Variants in THOC1 observed in about 807,000 individuals in gnomAD.
THOC1 encodes THO complex 1.
A neutral mutation model predicts 97.3 loss-of-function variants in THOC1; 29 were observed. The ratio of observed to expected loss-of-function variants is 0.30; its 90% confidence interval spans 0.22 to 0.41. The LOEUF is 0.41. THOC1 is among the 10% of genes least tolerant of loss of function. THOC1 has a pLI of 1.00. For synonymous variants in THOC1, 255 were observed against 257.0 expected (o/e 0.99, Z 0.07); for missense variants, 529 against 761.9 (o/e 0.69, Z 3.60).
intron 4 of THOC1, chr18:263,434 T>G (rs556954322): frequency 6.6e-6 from 1 of 152,648 alleles, no homozygotes; most frequent in African/African-American, 2.4e-5. Flanking sequence ...CCTAACCTGC[T>G]TCTTTCCTCA....
chr18:255,924 C>G (rs538768954), intron 7 of THOC1, among the ~76,000 whole-genome samples: 27 of 152,290 alleles, frequency 1.8e-4, no homozygotes, highest in African/African-American at 6.0e-4. Context: ...AAAGACAAAC[C>G]CTGATGACAG....
Position 215,301 on chromosome 18 carries a change from T to C in THOC1, c.1678+128A>G. On this transcript the variant is annotated intron_variant, in intron 20 of 20. Coordinates refer to ENST00000261600, the MANE Select transcript of THOC1 (RefSeq NM_005131.3). ...TTAAGCAATGTTTTAAATTCCTCAC[T>C]ATGTCAGAAACAGTTGAGATAAAAT... is the stretch of plus-strand genomic sequence containing the variant. 1.9e-5 allele frequency: 14 copies of C among 730,126 alleles called. No individual in the cohort carries two copies. The South Asian group carries it at 2.3e-4, about 12-fold the overall frequency. The allele number at this position is 730,126 out of a possible 1,614,324, so 45.2% of individuals were successfully genotyped here.
In THOC1 at chr18:260,321, A is replaced by G; in HGVS notation, c.257-17T>C. ...TACAAATACCTTCAAGTGGAGCACA[A>G]GCCAATTTAAAAGTTTAAAAAACTG... On this transcript the variant is annotated splice_polypyrimidine_tract_variant and intron_variant, in intron 4 of 20. Coordinates refer to ENST00000261600, the MANE Select transcript of THOC1 (RefSeq NM_005131.3). The G allele has an allele frequency of 6.8e-7, 1 of 1,464,590 alleles. No individual in the cohort carries two copies. Among genetic ancestry groups the G allele is most frequent in the Non-Finnish European group, 9.1e-7 (1 of 1,101,936 alleles). 90.7% of individuals were successfully genotyped at this position (1,464,590 alleles called of 1,614,324 possible). A position where few individuals can be genotyped will look rare whatever the true frequency, so the allele number is the denominator to read the frequency against.
intron 7 of THOC1, among the ~76,000 whole-genome samples, chr18:255,391 A>G (rs1207591985): frequency 6.6e-6 from 1 of 152,244 alleles, no homozygotes; most frequent in Middle Eastern, 3.2e-3. Flanking sequence ...CATGAATGAT[A>G]AGAAAGCAAA....
intron 8 of THOC1, among the ~76,000 whole-genome samples, chr18:253,846 G>A (rs2143277289): frequency 6.6e-6 from 1 of 151,272 alleles, no homozygotes; most frequent in South Asian, 2.1e-4. Context: ...CTGTAAGTTG[G>A]AAATAAAGTT....
At chr18:266,837 G>A (rs1313993291) in intron 1 of THOC1, among the ~76,000 whole-genome samples, 2 of 151,940 alleles carry the variant, frequency 1.3e-5, no homozygotes, top group African/African-American at 4.8e-5. Flanking sequence ...GCGCCCGGCC[G>A]CCAATATGAT....
At chr18:265,652 C>T in intron 1 of THOC1, 122 bp from the exon 2 acceptor site, 1 of 688,338 alleles carries the variant, frequency 1.5e-6, no homozygotes, top group African/African-American at 1.8e-5. Context: ...GGAAAAATTA[C>T]CTATCAGTCA....
chr18:259,639 A>G (rs905106999), intron 6 of THOC1, 43 bp downstream of exon 6: 1 of 1,428,516 alleles, frequency 7.0e-7, no homozygotes, highest in South Asian at 1.3e-5. Flanking sequence ...TTCTGGGCAT[A>G]TTTACACTTA....
intron 13 of THOC1, 55 bp downstream of exon 13, chr18:225,278 CAAAG>C (rs1567844382): frequency 5.6e-6 from 9 of 1,593,280 alleles, no homozygotes; most frequent in Non-Finnish European, 7.7e-6. Context: ...GGGGCTGAAA[CAAAG>C]AAAATCCTAA....
At chr18:226,720 C>T (rs1911302475) in intron 12 of THOC1, 81 bp downstream of exon 12, 2 of 989,534 alleles carry the variant, frequency 2.0e-6, no homozygotes, top group Admixed American at 2.2e-5. Flanking sequence ...GAAATGGACA[C>T]ATACATAAGA....
chr18:265,347 A>AT lies in THOC1; in HGVS notation c.144dup (p.Cys49MetfsTer4), dbSNP rs746975641. 14 of 1,604,554 alleles carry AT rather than the reference A, an allele frequency of 8.7e-6. No individual in the cohort carries two copies. The highest frequency in any genetic ancestry group is 5.1e-5 in the Admixed American group (3 of 58,546). ...CCTCTGAAAGCTTGGTCAAGGGTAC[A>AT]TTTTTTTTCATTTTCACTATTAAAA... On this transcript the variant is annotated frameshift_variant, in exon 3 of 21. Coordinates refer to ENST00000261600, the MANE Select transcript of THOC1 (RefSeq NM_005131.3). LOFTEE classifies it high-confidence loss of function.
chr18:258,704 G>A (rs529133142), intron 7 of THOC1, among the ~76,000 whole-genome samples: 2 of 152,194 alleles, frequency 1.3e-5, no homozygotes, highest in East Asian at 1.9e-4. Context: ...TGGAGGACAA[G>A]CAATGTCCCA....
chr18:227,051 G>T lies in THOC1; in HGVS notation c.919-150C>A, dbSNP rs532018180. 4 of 642,840 alleles carry T rather than the reference G, an allele frequency of 6.2e-6. No homozygotes were observed. In the African/African-American group the frequency reaches 7.3e-5, roughly 12 times the overall value. The allele number at this position is 642,840 out of a possible 1,614,324, so 39.8% of individuals were successfully genotyped here. On this transcript the variant is annotated intron_variant, in intron 11 of 20. Transcript: ENST00000261600. ...AGTTCACTGCATGTGAGGCATTACC[G>T]CACAAGCCCAAAGACAGCCCAGTCA...
chr18:223,881 T>G (rs1020400071), intron 16 of THOC1, among the ~76,000 whole-genome samples: 1 of 152,046 alleles, frequency 6.6e-6, no homozygotes, highest in Admixed American at 6.6e-5. Context: ...AGACACAGAT[T>G]TTGGAAGCTG....
At chr18:215,713 T>A (rs945805773) in intron 19 of THOC1, 1 of 502,466 alleles carries the variant, frequency 2.0e-6, no homozygotes, top group South Asian at 2.7e-5. Context: ...GACCTCAGAG[T>A]TGGAAAGACT....
Position 254,177 on chromosome 18 carries a change from G to A in THOC1, c.603+96C>T. The A allele has an allele frequency of 1.2e-6, 1 of 856,144 alleles. No homozygotes were observed. Among genetic ancestry groups the A allele is most frequent in the South Asian group, 1.4e-5 (1 of 69,170 alleles). The allele number at this position is 856,144 out of a possible 1,614,324, so 53.0% of individuals were successfully genotyped here. A position where few individuals can be genotyped will look rare whatever the true frequency, so the allele number is the denominator to read the frequency against. On this transcript the variant is annotated intron_variant, in intron 8 of 20. Transcript: ENST00000261600. This position sits in a 1 kb window ranked among gnomAD's most constrained non-coding sequence, Gnocchi z 4.1. The stretch of plus-strand genomic sequence containing the variant: ...TCTGCCCACCTCAGCCTCCCAAAGT[G>A]CTAGGATTACAAGTGTGAGCCACTG...
chr18:256,405 A>G (rs986898678), intron 7 of THOC1, among the ~76,000 whole-genome samples: 1 of 152,256 alleles, frequency 6.6e-6, no homozygotes, highest in African/African-American at 2.4e-5. Flanking sequence ...GTAACTGCAG[A>G]TCTACGTAGT....
At chr18:234,549 T>G (rs1451151530) in intron 11 of THOC1, among the ~76,000 whole-genome samples, 3 of 152,156 alleles carry the variant, frequency 2.0e-5, no homozygotes, top group Admixed American at 6.5e-5. Context: ...ATCTGTTTTT[T>G]TTTTGTTTTG....
At chr18:263,091 T>TC (rs1281355870) in intron 4 of THOC1, among the ~76,000 whole-genome samples, 22 of 152,040 alleles carry the variant, frequency 1.4e-4, no homozygotes, top group Middle Eastern at 6.8e-3. Context: ...CAGCTGCTCT[T>TC]TTTTTTTGAG....
Sources: gnomAD v4.1 joint callset for allele counts (sites outside exome capture counted in the v4.1 genomes callset) on GRCh38, gnomAD v4.1.1 for gene constraint, Gnocchi (gnomAD v3.1) non-coding constraint, MANE v1.5 for transcripts, NCBI Gene and HGNC (gene_info 2026-07-23, HGNC 2026-07-21) for gene names.